Variants in EPB41L4B observed in about 807,000 individuals in gnomAD.
The protein encoded by EPB41L4B is band 4.1-like protein 4B.
EPB41L4B carries 30 observed loss-of-function variants against 112.5 expected under a neutral mutation model. The ratio of observed to expected loss-of-function variants is 0.27; its 90% CI spans 0.20 to 0.36. EPB41L4B has a LOEUF of 0.36. Among genes scored for constraint, EPB41L4B ranks in the 10% least tolerant of loss-of-function variants. The probability of loss-of-function intolerance (pLI) is 1.00; values close to 1 mark genes in which losing one functional copy is unlikely to be tolerated. For synonymous variants in EPB41L4B, 408 were observed against 439.7 expected (o/e 0.93, Z 0.90); for missense variants, 1,024 against 1,133.3 (o/e 0.90, Z 1.38).
In EPB41L4B at chr9:109,235,042, T is replaced by A. The variant is rs567467078; in HGVS notation, c.1409+8576A>T. On this transcript the variant is annotated intron_variant, in intron 15 of 25. Transcript: ENST00000374566. ...TGTTTCAATTCTCCAAGCCTCTGAG[T>A]CCCAATCGTAGCAGCAGAATGGACT... is the stretch of plus-strand genomic sequence containing the variant. Among the ~76,000 whole-genome samples, 39 of 152,302 alleles carry A rather than the reference T, an allele frequency of 2.6e-4. 1 individual carries two copies. The South Asian group carries it at 7.3e-3, about 28-fold the overall frequency.
At chr9:109,228,024 C>T (rs192454951) in intron 15 of EPB41L4B, among the ~76,000 whole-genome samples, 22 of 152,312 alleles carry the variant, frequency 1.4e-4, no homozygotes, top group Admixed American at 1.0e-3. Flanking sequence ...TTTGTTTCTT[C>T]CTTTCCAGTA....
At chr9:109,301,895 C>G (rs1254990729) in intron 1 of EPB41L4B, among the ~76,000 whole-genome samples, 2 of 152,172 alleles carry the variant, frequency 1.3e-5, no homozygotes, top group African/African-American at 4.8e-5. Flanking sequence ...TGAGCAAGAC[C>G]CTGTCTCAAA....
intron 1 of EPB41L4B, among the ~76,000 whole-genome samples, chr9:109,306,660 C>A (rs1055751150): frequency 1.3e-5 from 2 of 152,046 alleles, no homozygotes; most frequent in African/African-American, 4.8e-5. Context: ...GTGAAGGGGT[C>A]CCACCTCCCA....
At chr9:109,314,083 C>A (rs1043709264) in intron 1 of EPB41L4B, among the ~76,000 whole-genome samples, 4 of 152,206 alleles carry the variant, frequency 2.6e-5, no homozygotes, top group Admixed American at 2.0e-4. Flanking sequence ...ACCCTGCCCT[C>A]AGGCAGCAGC....
At chr9:109,268,919 C>T (rs1015840983) in intron 2 of EPB41L4B, among the ~76,000 whole-genome samples, 5 of 111,528 alleles carry the variant, frequency 4.5e-5, no homozygotes, top group Non-Finnish European at 7.8e-5. Context: ...AAAAAAAATT[C>T]AACGTTTATG....
rs149490065 is a variant in EPB41L4B at position 109,304,940 on chromosome 9, A to G, written c.306+15201T>C. ...GGTTTCCTTTTGGGGTGATGACAAT[A>G]TTCCAGAGCCAGATAGTAATGATGG... On this transcript the variant is annotated intron_variant, in intron 1 of 25. Coordinates refer to ENST00000374566, the MANE Select transcript of EPB41L4B (RefSeq NM_019114.5). Among the ~76,000 whole-genome samples, 593 of 152,240 alleles carry G rather than the reference A, an allele frequency of 3.9e-3. 8 individuals are homozygous for G. The highest frequency in any genetic ancestry group is 0.013 in the African/African-American group (558 of 41,520).
intron 1 of EPB41L4B, among the ~76,000 whole-genome samples, chr9:109,284,085 A>C (rs1286954922): frequency 6.6e-6 from 1 of 152,162 alleles, no homozygotes; most frequent in East Asian, 1.9e-4. Flanking sequence ...CTTGACTTAA[A>C]AAAAAAGAAA....
In EPB41L4B at chr9:109,320,604, G is replaced by A. The variant is rs923204022; in HGVS notation, c.-158C>T. The A allele has an allele frequency of 2.1e-4, 41 of 198,128 alleles. No homozygotes were observed. Among genetic ancestry groups the A allele is most frequent in the African/African-American group, 1.0e-3 (41 of 39,914 alleles). The allele number at this position is 198,128 out of a possible 1,614,324, so 12.3% of individuals were successfully genotyped here. Reference sequence around the variant, plus strand: ...ACGGCCCGGGGCAAGCCCGCGCCGAGGCCGAGGCCGCGCTCTAGCCGCCTG... The same window carrying A: ...ACGGCCCGGGGCAAGCCCGCGCCGAAGCCGAGGCCGCGCTCTAGCCGCCTG... On this transcript the variant is annotated 5_prime_UTR_variant, in exon 1 of 26. Coordinates refer to ENST00000374566, the MANE Select transcript of EPB41L4B (RefSeq NM_019114.5).
At chr9:109,266,983 A>G (rs1375586728) in intron 4 of EPB41L4B, among the ~76,000 whole-genome samples, 2 of 141,726 alleles carry the variant, frequency 1.4e-5, no homozygotes, top group Non-Finnish European at 3.0e-5. Flanking sequence ...AAAAAAAAAA[A>G]AAAAAAAAAA....
At chr9:109,222,241 G>A (rs1260897821) in intron 15 of EPB41L4B, among the ~76,000 whole-genome samples, 1 of 152,190 alleles carries the variant, frequency 6.6e-6, no homozygotes, top group Non-Finnish European at 1.5e-5. Flanking sequence ...AGAAATAGAT[G>A]AGGGTCAGAG....
chr9:109,248,317 G>A lies in EPB41L4B; in HGVS notation c.1311-528C>T, dbSNP rs113853417. Among the ~76,000 whole-genome samples the A allele has an allele frequency of 5.2e-3, 795 of 152,292 alleles. 13 individuals are homozygous for A. The highest frequency in any genetic ancestry group is 0.018 in the African/African-American group (752 of 41,550). ...AATAATCTGGCCACCACTTTGGAATGTTCTCTCCAGACAAGACTCTGTACT... is the reference window on the plus strand; with the variant it reads ...AATAATCTGGCCACCACTTTGGAATATTCTCTCCAGACAAGACTCTGTACT... On this transcript the variant is annotated intron_variant, in intron 13 of 25. Transcript: ENST00000374566.
intron 11 of EPB41L4B, among the ~76,000 whole-genome samples, chr9:109,255,284 A>C (rs1205652048): frequency 1.3e-5 from 2 of 152,244 alleles, no homozygotes; most frequent in African/African-American, 4.8e-5. Flanking sequence ...TGAACAGCAC[A>C]GCTCTGACTA....
At chr9:109,218,773 C>A (rs1286674796) in intron 15 of EPB41L4B, among the ~76,000 whole-genome samples, 2 of 152,146 alleles carry the variant, frequency 1.3e-5, no homozygotes, top group African/African-American at 4.8e-5. Context: ...AGTGAAAATA[C>A]CCCTTCTTCC....
At chr9:109,241,693 A>G in intron 15 of EPB41L4B, 2 of 1,614,200 alleles carry the variant, frequency 1.2e-6, no homozygotes, top group Non-Finnish European at 1.7e-6. Flanking sequence ...ATCTCGATAC[A>G]TCATACTTTG....
intron 7 of EPB41L4B, 25 bp from the exon 8 acceptor site, chr9:109,256,505 T>G: frequency 1.8e-5 from 29 of 1,601,130 alleles, no homozygotes; most frequent in Non-Finnish European, 2.3e-5. Context: ...TGGAAATACA[T>G]GTAAACTGCG....
chr9:109,173,965 A>C lies in EPB41L4B; in HGVS notation c.*589T>G, dbSNP rs1305864013. ...ATTCCAAATAATATCATATCCAAGGAGTTCACAAGTTAAATTATATTTCAG... is the reference window on the plus strand; with the variant it reads ...ATTCCAAATAATATCATATCCAAGGCGTTCACAAGTTAAATTATATTTCAG... On this transcript the variant is annotated 3_prime_UTR_variant, in exon 26 of 26. Coordinates refer to ENST00000374566, the MANE Select transcript of EPB41L4B (RefSeq NM_019114.5). 1 of 152,310 alleles carries C rather than the reference A, an allele frequency of 6.6e-6. No homozygotes were observed. The highest frequency in any genetic ancestry group is 1.5e-5 in the Non-Finnish European group (1 of 68,050). The allele number at this position is 152,310 out of a possible 1,614,324, so 9.4% of individuals were successfully genotyped here. A position where few individuals can be genotyped will look rare whatever the true frequency, so the allele number is the denominator to read the frequency against.
At chr9:109,307,178 T>C (rs978100552) in intron 1 of EPB41L4B, 2 of 458,954 alleles carry the variant, frequency 4.4e-6, no homozygotes, top group Non-Finnish European at 8.6e-6. Flanking sequence ...GTAATTCTAT[T>C]ATAGTACATA....
intron 2 of EPB41L4B, among the ~76,000 whole-genome samples, chr9:109,279,225 T>A (rs1013252549): frequency 2.0e-5 from 3 of 151,618 alleles, no homozygotes; most frequent in Non-Finnish European, 4.4e-5. Flanking sequence ...AGACAGGGTC[T>A]TACTCTGTCA....
In EPB41L4B at chr9:109,222,846, G is replaced by C. The variant is rs186450945; in HGVS notation, c.1410-5701C>G. Reference sequence around the variant, plus strand: ...CTGCTGGTGCCCCCTTAGACACTGGGGCTTAGTGAAAGGGAGTAATGTGCC... The same window carrying C: ...CTGCTGGTGCCCCCTTAGACACTGGCGCTTAGTGAAAGGGAGTAATGTGCC... On this transcript the variant is annotated intron_variant, in intron 15 of 25. Transcript: ENST00000374566. Among the ~76,000 whole-genome samples the C allele has an allele frequency of 3.0e-3, 459 of 152,226 alleles. 8 individuals carry two copies. The highest frequency in any genetic ancestry group is 1.4e-3 in the East Asian group (7 of 5,164).
Sources: allele counts gnomAD v4.1 joint callset (sites outside exome capture counted in the v4.1 genomes callset), GRCh38; gene constraint gnomAD v4.1.1; transcripts MANE v1.5; gene names NCBI Gene and HGNC (gene_info 2026-07-23, HGNC 2026-07-21).